Variants in ZFYVE28 observed in about 807,000 individuals in gnomAD.
ZFYVE28 encodes zinc finger FYVE-type containing 28.
A neutral mutation model predicts 82.1 loss-of-function variants in ZFYVE28; 40 were observed. The observed-to-expected ratio is 0.49, with a 90% CI of 0.38 to 0.63. The LOEUF is 0.63. Among genes scored for constraint, ZFYVE28 ranks in the 30% least tolerant of loss-of-function variants. The pLI, the probability that ZFYVE28 is intolerant of heterozygous loss-of-function variation, is 0.00. For missense variants in ZFYVE28, 1,321 were observed against 1,242.1 expected, an observed-to-expected ratio of 1.06 and a Z score of -0.96; for synonymous variants, 612 against 546.1, an observed-to-expected ratio of 1.12 and a Z score of -1.68.
chr4:2,334,613 T>C (rs1002520797), intron 6 of ZFYVE28, among the ~76,000 whole-genome samples: 5 of 151,564 alleles, frequency 3.3e-5, no homozygotes, highest in African/African-American at 7.3e-5. Context: ...AGTCGTGGCC[T>C]CTGTGCCCAC....
rs558564003 is a variant in ZFYVE28 at position 2,372,760 on chromosome 4, T to C, written c.40-18687A>G. On this transcript the variant is annotated intron_variant, in intron 1 of 12. Coordinates refer to ENST00000290974, the MANE Select transcript of ZFYVE28 (RefSeq NM_020972.3). The surrounding 1 kb of genome is among the most constrained non-coding windows in gnomAD (Gnocchi z 5.2). ...AAACTCCGAGGGTTGGGGCTCATGA[T>C]GGCAGAGCCAGCTGCCTCCCTGGAC... is the stretch of plus-strand genomic sequence containing the variant. 3.9e-5 allele frequency among the ~76,000 whole-genome samples: 6 copies of C among 152,272 alleles called. No homozygotes were observed. In the East Asian group the frequency reaches 9.7e-4, roughly 25 times the overall value.
At chr4:2,313,117 GTT>G (rs984303342) in intron 7 of ZFYVE28, among the ~76,000 whole-genome samples, 7 of 139,706 alleles carry the variant, frequency 5.0e-5, no homozygotes, top group Admixed American at 2.2e-4. Context: ...GTTTTTCCAG[GTT>G]TTTTTTTTTT....
Position 2,305,443 on chromosome 4 carries a change from G to A in ZFYVE28, c.897C>T (p.Asp299=), listed in dbSNP as rs769423252. The stretch of plus-strand genomic sequence containing the variant: ...GCGCCAGGGCAGCGGGTCCCTGCAC[G>A]TCTGCGCGGATGGGGAACTCCACGT... ...SQDVEFPIRA[D]VQGPAALAPA... Residue 299 remains aspartate, a synonymous_variant, in exon 8 of 13, where the codon GAC becomes GAT. Coordinates refer to ENST00000290974, the MANE Select transcript of ZFYVE28 (RefSeq NM_020972.3). 43 of 1,612,846 alleles carry A rather than the reference G, an allele frequency of 2.7e-5. No individual in the cohort carries two copies. In the Middle Eastern group the frequency reaches 4.9e-4, roughly 19 times the overall value.
intron 8 of ZFYVE28, among the ~76,000 whole-genome samples, chr4:2,288,312 C>T (rs909776015): frequency 2.0e-5 from 3 of 152,234 alleles, no homozygotes; most frequent in African/African-American, 7.2e-5. Flanking sequence ...GGAAAACCAA[C>T]AGGTGACACT....
intron 1 of ZFYVE28, among the ~76,000 whole-genome samples, chr4:2,361,201 C>T (rs77158369): frequency 0.015 from 2,350 of 152,212 alleles, 25 homozygotes; most frequent in Non-Finnish European, 0.025. Context: ...ATTTCGTTCA[C>T]GGGGTCAGAT....
intron 8 of ZFYVE28, among the ~76,000 whole-genome samples, chr4:2,280,476 C>G (rs943481186): frequency 1.3e-5 from 2 of 152,086 alleles, no homozygotes; most frequent in Non-Finnish European, 2.9e-5. Flanking sequence ...CCACTGCACT[C>G]CACTCCAGCC....
At chr4:2,280,118 A>G (rs1024122551) in intron 8 of ZFYVE28, among the ~76,000 whole-genome samples, 7 of 152,234 alleles carry the variant, frequency 4.6e-5, no homozygotes, top group African/African-American at 1.7e-4. Flanking sequence ...CAGTGGGTTG[A>G]CTCAATACAT....
intron 2 of ZFYVE28, among the ~76,000 whole-genome samples, chr4:2,352,302 C>T (rs892881031): frequency 4.6e-5 from 7 of 151,868 alleles, no homozygotes; most frequent in African/African-American, 9.7e-5. Context: ...TCAGCACAGA[C>T]ATGGAGCAGG....
chr4:2,351,361 A>G (rs61789445), intron 2 of ZFYVE28, among the ~76,000 whole-genome samples: 15,575 of 152,262 alleles, frequency 0.1, 994 homozygotes, highest in Middle Eastern at 0.23. Flanking sequence ...GTATTAGGAT[A>G]CAAGATCTAT....
Position 2,273,289 on chromosome 4 carries a change from C to T in ZFYVE28, c.2207G>A (p.Gly736Asp), listed in dbSNP as rs776301284. ...LIHRLFVCIS[G>D]VADQLQTNYA... ...GTTCGTCTGCAGCTGGTCAGCCACA[C>T]CTGAGGAAGGAAGGCCACAGTAACC... The change falls in exon 10 of 13, where the codon GGT becomes GAT. Residue 736 changes from glycine to aspartate, a missense_variant and splice_region_variant. Physicochemically the swap from Gly to Asp is moderately conservative, Grantham distance 94. This residue lies in a region of ZFYVE28 where 978 missense variants were observed against 833.7 expected (regional missense o/e 1.17). Transcript: ENST00000290974. 1.9e-6 allele frequency: 3 copies of T among 1,610,530 alleles called. No homozygotes were observed. Among genetic ancestry groups the T allele is most frequent in the East Asian group, 4.5e-5 (2 of 44,858 alleles).
intron 1 of ZFYVE28, among the ~76,000 whole-genome samples, chr4:2,371,854 C>T (rs536004280): frequency 6.7e-6 from 1 of 149,522 alleles, no homozygotes; most frequent in Non-Finnish European, 1.5e-5. Flanking sequence ...AGCCCGCCCC[C>T]CACCCAGCGT....
At chr4:2,377,847 T>A (rs1404367267) in intron 1 of ZFYVE28, among the ~76,000 whole-genome samples, 4 of 152,232 alleles carry the variant, frequency 2.6e-5, no homozygotes, top group African/African-American at 9.7e-5. Flanking sequence ...GACTTCATTA[T>A]TGTGCAAACA....
At position 2,304,566 on chromosome 4, in the gene ZFYVE28, C is replaced by T; in HGVS notation, c.1774G>A (p.Gly592Ser). The change falls in exon 8 of 13, where the codon GGT becomes AGT. Residue 592 changes from glycine (G) to serine (S), a missense_variant. This residue lies in a region of ZFYVE28 where 978 missense variants were observed against 833.7 expected (regional missense o/e 1.17). Transcript: ENST00000290974. ...REKCSPGGVIGASYAAGLAKA... is the reference protein window; with the variant it reads ...REKCSPGGVISASYAAGLAKA... ...GCTAAGCCGGCAGCGTACGAGGCAC[C>T]AATGACGCCTCCCGGGCTGCACTTC... is the stretch of plus-strand genomic sequence containing the variant. The T allele has an allele frequency of 6.2e-7, 1 of 1,612,682 alleles. No individual in the cohort carries two copies. Among genetic ancestry groups the T allele is most frequent in the Non-Finnish European group, 8.5e-7 (1 of 1,179,892 alleles).
intron 7 of ZFYVE28, among the ~76,000 whole-genome samples, chr4:2,305,846 C>A (rs975279445): frequency 2.6e-5 from 4 of 152,172 alleles, no homozygotes; most frequent in African/African-American, 9.6e-5. Flanking sequence ...GTGTTAGCTG[C>A]ATGAATAAAA....
chr4:2,353,694 G>A (rs889786511), intron 2 of ZFYVE28, among the ~76,000 whole-genome samples: 2 of 151,992 alleles, frequency 1.3e-5, no homozygotes, highest in East Asian at 1.9e-4. Flanking sequence ...CCCTGCCCCC[G>A]CTCTCCCAGC....
In ZFYVE28 at chr4:2,305,174, C is replaced by A; in HGVS notation, c.1166G>T (p.Arg389Leu). 2 of 1,593,950 alleles carry A rather than the reference C, an allele frequency of 1.3e-6. No homozygotes were observed. Among genetic ancestry groups the A allele is most frequent in the Non-Finnish European group, 8.6e-7 (1 of 1,167,662 alleles). ...CTCCTCGTCACTGCCTGACCGCAGG[C>A]GCGGTCTACCTGGAGAGGCCTCCCC... Reference protein sequence around the residue: ...PGGEASPGRPRLRSGSDEEER... With the variant: ...PGGEASPGRPLLRSGSDEEER... The change falls in exon 8 of 13, where the codon CGC becomes CTC. Residue 389 changes from arginine to leucine, a missense_variant. Transcript: ENST00000290974.
intron 1 of ZFYVE28, among the ~76,000 whole-genome samples, chr4:2,411,733 C>T (rs1203030919): frequency 3.3e-5 from 5 of 152,164 alleles, no homozygotes; most frequent in South Asian, 2.1e-4. Context: ...ATAGTTTAAA[C>T]GTTCACAAAT....
At chr4:2,350,026 G>GAC (rs1232443745) in intron 2 of ZFYVE28, among the ~76,000 whole-genome samples, 1 of 99,668 alleles carries the variant, frequency 1.0e-5, no homozygotes, top group African/African-American at 3.5e-5. Context: ...TCAATAGGGT[G>GAC]ACACACAGAC....
rs1722751851 is a variant in ZFYVE28 at position 2,341,266 on chromosome 4, G to C, written c.318+212C>G. 2 of 641,806 alleles carry C rather than the reference G, an allele frequency of 3.1e-6. No homozygotes were observed. The highest frequency in any genetic ancestry group is 8.6e-4 in the Middle Eastern group (2 of 2,336). The allele number at this position is 641,806 out of a possible 1,614,324, so 39.8% of individuals were successfully genotyped here. A position where few individuals can be genotyped will look rare whatever the true frequency, so the allele number is the denominator to read the frequency against. ...ATGGGAAATTTCATTTGTATGTATAGTTTTGGGGGCACCAGTTCATGGCTT... is the reference window on the plus strand; with the variant it reads ...ATGGGAAATTTCATTTGTATGTATACTTTTGGGGGCACCAGTTCATGGCTT... On this transcript the variant is annotated intron_variant, in intron 3 of 12. Coordinates refer to ENST00000290974, the MANE Select transcript of ZFYVE28 (RefSeq NM_020972.3). The surrounding 1 kb of genome is among the most constrained non-coding windows in gnomAD (Gnocchi z 4.5).
Sources: gnomAD v4.1 joint callset for allele counts (sites outside exome capture counted in the v4.1 genomes callset) on GRCh38, gnomAD v4.1.1 for gene constraint, gnomAD v4.1.1 regional missense constraint, Gnocchi (gnomAD v3.1) non-coding constraint, MANE v1.5 for transcripts, NCBI Gene and HGNC (gene_info 2026-07-23, HGNC 2026-07-21) for gene names.